Variants in HNF1A observed in about 807,000 individuals in gnomAD.
The protein encoded by HNF1A is hepatocyte nuclear factor 1-alpha.
In HNF1A, 21 loss-of-function variants were observed where a neutral mutation model predicts 62.2. That is an observed-to-expected ratio of 0.34 (90% CI 0.24 to 0.49). The LOEUF (loss-of-function observed/expected upper bound fraction) is 0.49. Ranked by LOEUF, HNF1A falls within the 20% of genes least tolerant of loss-of-function variation. HNF1A has a pLI of 0.99. For synonymous variants in HNF1A, 374 were observed against 366.8 expected, an observed-to-expected ratio of 1.02 and a Z score of -0.22; for missense variants, 687 against 832.3, an observed-to-expected ratio of 0.83 and a Z score of 2.15.
Position 120,988,815 on chromosome 12 carries a change from G to C in HNF1A, c.327-18G>C. 2 of 1,613,572 alleles carry C rather than the reference G, an allele frequency of 1.2e-6. No homozygotes were observed. Among genetic ancestry groups the C allele is most frequent in the Non-Finnish European group, 1.7e-6 (2 of 1,179,658 alleles). On this transcript the variant is annotated intron_variant, in intron 1 of 9. Transcript: ENST00000257555. The stretch of plus-strand genomic sequence containing the variant: ...AGACAGCCCTTGCTGAGCAGATCCC[G>C]TCCTTGCCCTCTCCCAGGGAGGACC...
chr12:120,989,149 A>T (rs1253649483), intron 2 of HNF1A, 117 bp downstream of exon 2: 2 of 1,004,422 alleles, frequency 2.0e-6, no homozygotes, highest in Non-Finnish European at 3.0e-6. Context: ...GATGGAAAGG[A>T]AGTCAGTGGG....
chr12:121,000,328 C>T lies in HNF1A; in HGVS notation c.1768+701C>T, dbSNP rs1028242355. On this transcript the variant is annotated intron_variant, in intron 9 of 9. Transcript: ENST00000257555. ...GTGTCCTGGCATTCACCCCATGAGG[C>T]GTGTCCATGACCACCCCCATTTTAC... Among the ~76,000 whole-genome samples the T allele has an allele frequency of 2.0e-5, 3 of 152,142 alleles. No homozygotes were observed. In the South Asian group the frequency reaches 6.2e-4, roughly 32 times the overall value.
intron 2 of HNF1A, among the ~76,000 whole-genome samples, chr12:120,992,632 A>G (rs1876889943): frequency 6.6e-6 from 1 of 152,194 alleles, no homozygotes. Context: ...TAAAAAATAG[A>G]ATATTACCAG....
intron 4 of HNF1A, among the ~76,000 whole-genome samples, chr12:120,994,637 T>C (rs116634362): frequency 6.7e-6 from 1 of 149,672 alleles, no homozygotes; most frequent in African/African-American, 2.5e-5. Context: ...ATTAACCCCA[T>C]TCCATCCACT....
At chr12:120,984,329 T>C (rs1876403372) in intron 1 of HNF1A, among the ~76,000 whole-genome samples, 1 of 56,722 alleles carries the variant, frequency 1.8e-5, no homozygotes, top group Non-Finnish European at 3.8e-5. Flanking sequence ...TGACCTGGCA[T>C]GAGAGAATGA....
At chr12:120,999,681 T>C in intron 9 of HNF1A, 54 bp downstream of exon 9, 2 of 1,574,800 alleles carry the variant, frequency 1.3e-6, no homozygotes, top group Non-Finnish European at 1.7e-6. Flanking sequence ...CCTTCCATGT[T>C]GGTCCCACCC....
At chr12:120,993,040 G>A (rs1213765675) in intron 2 of HNF1A, among the ~76,000 whole-genome samples, 1 of 152,140 alleles carries the variant, frequency 6.6e-6, no homozygotes, top group East Asian at 1.9e-4. Context: ...TCTTCCTCTA[G>A]CTAACATTTG....
At position 120,991,293 on chromosome 12, in the gene HNF1A, GA is replaced by G. The variant is rs940092417; in HGVS notation, c.527-2217del. 3.7e-3 allele frequency among the ~76,000 whole-genome samples: 552 copies of G among 150,056 alleles called. 3 individuals are homozygous for G. The highest frequency in any genetic ancestry group is 0.012 in the African/African-American group (505 of 41,054). The stretch of plus-strand genomic sequence containing the variant: ...TCCACCAGCAGTAAAAATCACTGTT[GA>G]AAAAAAAAATGTATGCAGGCCGGGC... On this transcript the variant is annotated intron_variant, in intron 2 of 9. Transcript: ENST00000257555.
chr12:121,001,338 C>A lies in HNF1A; in HGVS notation c.*146C>A. Reference sequence around the variant, plus strand: ...CCTCGCTCCCCACTCTGCTCTGATGCATCAGAAAGGGAGGGCTCTGAGGCG... The same window carrying A: ...CCTCGCTCCCCACTCTGCTCTGATGAATCAGAAAGGGAGGGCTCTGAGGCG... On this transcript the variant is annotated 3_prime_UTR_variant, in exon 10 of 10. Transcript: ENST00000257555. 9.7e-7 allele frequency: 1 copy of A among 1,032,512 alleles called. No individual in the cohort carries two copies. Among genetic ancestry groups the A allele is most frequent in the Non-Finnish European group, 1.4e-6 (1 of 703,766 alleles). 64.0% of individuals were successfully genotyped at this position (1,032,512 alleles called of 1,614,324 possible). A position where few individuals can be genotyped will look rare whatever the true frequency, so the allele number is the denominator to read the frequency against.
At chr12:120,999,153 C>A in intron 7 of HNF1A, 115 bp from the exon 8 acceptor site, 2 of 1,277,982 alleles carry the variant, frequency 1.6e-6, no homozygotes, top group Non-Finnish European at 2.3e-6. Context: ...TCTCCAACTG[C>A]TGCCCAGTCT....
At chr12:120,991,471 G>C (rs1311330381) in intron 2 of HNF1A, among the ~76,000 whole-genome samples, 1 of 152,236 alleles carries the variant, frequency 6.6e-6, no homozygotes, top group Non-Finnish European at 1.5e-5. Flanking sequence ...GCGCATGCCT[G>C]TAATCCCAGC....
rs17847497 is a variant in HNF1A, at chr12:120,996,422, C to G, written c.1107+9C>G. 9.3e-4 allele frequency: 1,502 copies of G among 1,614,156 alleles called. 18 individuals are homozygous for G. The East Asian group carries it at 0.029, about 31-fold the overall frequency. On this transcript the variant is annotated intron_variant, in intron 5 of 9. Coordinates refer to ENST00000257555, the MANE Select transcript of HNF1A (RefSeq NM_000545.8). The surrounding 1 kb of genome is among the most constrained non-coding windows in gnomAD (Gnocchi z 4.5). The stretch of plus-strand genomic sequence containing the variant: ...GTACAGAAGCCAAGCTGGTGAGTGT[C>G]CTTGCTTGTAAGGAAAACCCAACCT...
rs17847498 is a variant in HNF1A at position 120,996,491 on chromosome 12, G to T, written c.1108-50G>T. 54 of 1,613,200 alleles carry T rather than the reference G, an allele frequency of 3.3e-5. No individual in the cohort carries two copies. The East Asian group carries it at 1.2e-3, about 35-fold the overall frequency. ...AGATTCTGGAGCAGTCCCTAGGGAG[G>T]CCCTGTGGGGACCCCGGCCCCCCGG... is the stretch of plus-strand genomic sequence containing the variant. On this transcript the variant is annotated intron_variant, in intron 5 of 9. Coordinates refer to ENST00000257555, the MANE Select transcript of HNF1A (RefSeq NM_000545.8). The surrounding 1 kb of genome is among the most constrained non-coding windows in gnomAD (Gnocchi z 4.5).
intron 2 of HNF1A, among the ~76,000 whole-genome samples, chr12:120,990,633 GATA>G (rs1331949037): frequency 8.9e-4 from 98 of 110,122 alleles, no homozygotes; most frequent in Middle Eastern, 4.9e-3. Context: ...AGGGAGGAAA[GATA>G]GGAAAGGGAG....
chr12:120,989,062 C>A, intron 2 of HNF1A, 30 bp downstream of exon 2: 1 of 1,607,998 alleles, frequency 6.2e-7, no homozygotes, highest in Non-Finnish European at 8.5e-7. Flanking sequence ...CGCATCTTCC[C>A]TGGGAGGGCC....
At chr12:120,982,110 G>A (rs1044558930) in intron 1 of HNF1A, among the ~76,000 whole-genome samples, 23 of 151,600 alleles carry the variant, frequency 1.5e-4, no homozygotes, top group Admixed American at 3.9e-4. Flanking sequence ...TCACTCTGTC[G>A]GCCCGGCTGG....
Position 120,999,251 on chromosome 12 carries a change from C to A in HNF1A, c.1502-17C>A, listed in dbSNP as rs748623022. The A allele has an allele frequency of 6.2e-7, 1 of 1,613,734 alleles. No homozygotes were observed. The highest frequency in any genetic ancestry group is 8.5e-7 in the Non-Finnish European group (1 of 1,180,002). ...AGGCACGTCTGCCACGTCTGCCCCT[C>A]TCTCCCCTGCGGCCAGCCCTCTACA... On this transcript the variant is annotated splice_polypyrimidine_tract_variant and intron_variant, in intron 7 of 9. Transcript: ENST00000257555.
At chr12:120,995,197 A>C (rs539956805) in intron 4 of HNF1A, among the ~76,000 whole-genome samples, 1 of 149,336 alleles carries the variant, frequency 6.7e-6, no homozygotes, top group Non-Finnish European at 1.5e-5. Context: ...TCCATCTACT[A>C]CATTCAACTC....
intron 9 of HNF1A, chr12:121,000,839 G>T (rs1192613073): frequency 1.2e-5 from 7 of 585,610 alleles, no homozygotes; most frequent in Admixed American, 2.7e-5. Flanking sequence ...CTTCTCCAGT[G>T]TTCACACTAA....
Sources: gnomAD v4.1 joint callset for allele counts (sites outside exome capture counted in the v4.1 genomes callset) on GRCh38, gnomAD v4.1.1 for gene constraint, Gnocchi (gnomAD v3.1) non-coding constraint, MANE v1.5 for transcripts, NCBI Gene and HGNC (gene_info 2026-07-23, HGNC 2026-07-21) for gene names.